Variants in STX3 observed in about 807,000 individuals in gnomAD.
STX3 encodes the protein syntaxin-3.
A neutral mutation model predicts 40.2 loss-of-function variants in STX3; 19 were observed. That is an observed-to-expected ratio of 0.47 (90% CI 0.33 to 0.69). STX3 has a LOEUF of 0.69. Ranked by LOEUF, STX3 falls within the 30% of genes least tolerant of loss-of-function variation. The probability of loss-of-function intolerance (pLI) is 0.02; values close to 1 mark genes in which losing one functional copy is unlikely to be tolerated. For synonymous variants in STX3, 122 were observed against 132.2 expected (o/e 0.92, Z 0.53); for missense variants, 364 against 366.7 (o/e 0.99, Z 0.06).
At chr11:59,767,694 A>G (rs1025978584) in intron 1 of STX3, among the ~76,000 whole-genome samples, 4 of 152,206 alleles carry the variant, frequency 2.6e-5, no homozygotes, top group Non-Finnish European at 5.9e-5. Context: ...TGGAAGTGGC[A>G]TGCTACAGTG....
At position 59,802,376 on chromosome 11, in the gene STX3, C is replaced by G. The variant is rs1865918782; in HGVS notation, c.*1552C>G. Reference sequence around the variant, plus strand: ...TATATTTTCCGCTTTGACTTTAACGCTTTCTAGGATAGGGTAAGCACCCTT... The same window carrying G: ...TATATTTTCCGCTTTGACTTTAACGGTTTCTAGGATAGGGTAAGCACCCTT... On this transcript the variant is annotated 3_prime_UTR_variant, in exon 11 of 11. Transcript: ENST00000337979. 2 of 985,572 alleles carry G rather than the reference C, an allele frequency of 2.0e-6. No individual in the cohort carries two copies. Among genetic ancestry groups the G allele is most frequent in the South Asian group, 9.4e-5 (2 of 21,290 alleles). The allele number at this position is 985,572 out of a possible 1,614,324, so 61.1% of individuals were successfully genotyped here.
At chr11:59,783,093 A>T (rs1864514997) in intron 2 of STX3, among the ~76,000 whole-genome samples, 1 of 152,188 alleles carries the variant, frequency 6.6e-6, no homozygotes, top group Admixed American at 6.5e-5. Context: ...AAACACTTTT[A>T]GATGTCAACA....
chr11:59,789,629 C>T (rs896224740), intron 4 of STX3, among the ~76,000 whole-genome samples: 4 of 152,130 alleles, frequency 2.6e-5, no homozygotes, highest in African/African-American at 4.8e-5. Context: ...TTAGTAGAGA[C>T]GAGGTTTCGC....
chr11:59,769,421 C>T (rs139126690), intron 1 of STX3, among the ~76,000 whole-genome samples: 93 of 152,190 alleles, frequency 6.1e-4, no homozygotes, highest in African/African-American at 1.6e-3. Context: ...CTCGTTCAGT[C>T]CTCATAAAGG....
chr11:59,788,877 C>T lies in STX3; in HGVS notation c.219C>T (p.Thr73=), dbSNP rs143769761. The change falls in exon 4 of 11, where the codon ACC becomes ACT. Residue 73 remains threonine, a synonymous_variant. Transcript: ENST00000337979. The part of the protein sequence containing the change: ...ILSAPIPEPK[T]KDDLEQLTTE... ...TGCCTGCCTTTATTTACCCAGAAACCAAGGATGACCTAGAGCAGCTCACGA... is the reference window on the plus strand; with the variant it reads ...TGCCTGCCTTTATTTACCCAGAAACTAAGGATGACCTAGAGCAGCTCACGA... 11 of 1,611,862 alleles carry T rather than the reference C, an allele frequency of 6.8e-6. No homozygotes were observed. In the Admixed American group the frequency reaches 1.0e-4, roughly 15 times the overall value.
intron 2 of STX3, among the ~76,000 whole-genome samples, chr11:59,780,133 A>G (rs508257): frequency 6.6e-6 from 1 of 152,058 alleles, no homozygotes; most frequent in African/African-American, 2.4e-5. Flanking sequence ...TCCCCTGCCA[A>G]TTGCTTTTGG....
chr11:59,773,318 T>A, intron 2 of STX3, 24 bp downstream of exon 2: 2 of 1,611,378 alleles, frequency 1.2e-6, no homozygotes, highest in Non-Finnish European at 1.7e-6. Context: ...CTGTATTTTT[T>A]TCTAAATGTA....
Position 59,805,234 on chromosome 11 carries a change from A to G in STX3, c.*4410A>G, listed in dbSNP as rs1238649957. The G allele has an allele frequency of 6.6e-6, 1 of 151,728 alleles. No homozygotes were observed. Among genetic ancestry groups the G allele is most frequent in the African/African-American group, 2.4e-5 (1 of 41,232 alleles). 9.4% of individuals were successfully genotyped at this position (151,728 alleles called of 1,614,324 possible). A position where few individuals can be genotyped will look rare whatever the true frequency, so the allele number is the denominator to read the frequency against. On this transcript the variant is annotated 3_prime_UTR_variant, in exon 11 of 11. Coordinates refer to ENST00000337979, the MANE Select transcript of STX3 (RefSeq NM_004177.5). Reference sequence around the variant, plus strand: ...TTCTTAATACTTAATACTGTCCCCAATTCCATTCAAGGTTCAGTTGTGTTC... The same window carrying G: ...TTCTTAATACTTAATACTGTCCCCAGTTCCATTCAAGGTTCAGTTGTGTTC...
rs1330447464 is a variant in STX3, at chr11:59,804,236, G to T, written c.*3412G>T. On this transcript the variant is annotated 3_prime_UTR_variant, in exon 11 of 11. Coordinates refer to ENST00000337979, the MANE Select transcript of STX3 (RefSeq NM_004177.5). ...GAGTTGGTCAAGTCAGGGCACTTCT[G>T]CTCTTCAGGCTCCTCTAGGTCACAC... The T allele has an allele frequency of 2.0e-5, 3 of 152,186 alleles. No homozygotes were observed. The highest frequency in any genetic ancestry group is 4.4e-5 in the Non-Finnish European group (3 of 68,062). The allele number at this position is 152,186 out of a possible 1,614,324, so 9.4% of individuals were successfully genotyped here. A position where few individuals can be genotyped will look rare whatever the true frequency, so the allele number is the denominator to read the frequency against.
chr11:59,769,263 T>TGGA (rs113337250), intron 1 of STX3, among the ~76,000 whole-genome samples: 26 of 151,576 alleles, frequency 1.7e-4, no homozygotes, highest in East Asian at 1.4e-3. Flanking sequence ...GAACTTCCTG[T>TGGA]GGAGGAGGAG....
At chr11:59,754,527 A>C (rs1256503498), upstream of STX3, 2 of 152,382 alleles carry the variant, frequency 1.3e-5, no homozygotes, top group Non-Finnish European at 2.9e-5. Context: ...CGGGGAGAAG[A>C]CTCGAGATAA....
chr11:59,800,039 T>C, intron 10 of STX3: 1 of 985,468 alleles, frequency 1.0e-6, no homozygotes, highest in Non-Finnish European at 1.2e-6. Flanking sequence ...AGAAGGTATA[T>C]GAATCATTTT....
intron 8 of STX3, 122 bp from the exon 9 acceptor site, chr11:59,795,250 C>A: frequency 2.7e-6 from 2 of 753,516 alleles, no homozygotes; most frequent in Non-Finnish European, 4.4e-6. Context: ...GAAGGCCATG[C>A]ATCAAGGTTT....
chr11:59,797,338 T>C lies in STX3; in HGVS notation c.842T>C (p.Ile281Thr). ...VVVLLGILAL[I>T]IGLSVGLN ...GTGTTGCTGGGCATTTTAGCATTGATTATTGGACTTTCCGTTGGGCTGAAT... is the reference window on the plus strand; with the variant it reads ...GTGTTGCTGGGCATTTTAGCATTGACTATTGGACTTTCCGTTGGGCTGAAT... The change falls in exon 10 of 11, where the codon ATT becomes ACT. Residue 281 changes from isoleucine to threonine, a missense_variant. Coordinates refer to ENST00000337979, the MANE Select transcript of STX3 (RefSeq NM_004177.5). The C allele has an allele frequency of 6.2e-7, 1 of 1,614,174 alleles. No homozygotes were observed. Among genetic ancestry groups the C allele is most frequent in the Non-Finnish European group, 8.5e-7 (1 of 1,180,024 alleles).
In STX3 at chr11:59,781,289, C is replaced by T. The variant is rs370601243; in HGVS notation, c.115-5748C>T. ...GCTTGGTCATTCTCTTAATTAACTC[C>T]TGTCCAAAGTGATGATGGAATTTTT... On this transcript the variant is annotated intron_variant, in intron 2 of 10. Coordinates refer to ENST00000337979, the MANE Select transcript of STX3 (RefSeq NM_004177.5). 2,102 of 1,551,852 alleles carry T rather than the reference C, an allele frequency of 1.4e-3. 15 individuals carry two copies. In the African/African-American group the frequency reaches 0.023, roughly 17 times the overall value.
At position 59,805,185 on chromosome 11, in the gene STX3, A is replaced by C. The variant is rs1265398349; in HGVS notation, c.*4361A>C. ...AGAGCTAAATTCCATCTAAAAAAAA[A>C]AAAAAAACAAAAAAAAAAAACTGTT... On this transcript the variant is annotated 3_prime_UTR_variant, in exon 11 of 11. Transcript: ENST00000337979. 9 of 141,462 alleles carry C rather than the reference A, an allele frequency of 6.4e-5. No homozygotes were observed. Among genetic ancestry groups the C allele is most frequent in the African/African-American group, 2.0e-4 (7 of 34,278 alleles). 8.8% of individuals were successfully genotyped at this position (141,462 alleles called of 1,614,324 possible).
At chr11:59,796,150 A>G (rs1865507565) in intron 9 of STX3, among the ~76,000 whole-genome samples, 1 of 152,150 alleles carries the variant, frequency 6.6e-6, no homozygotes. Flanking sequence ...ACATTATGTC[A>G]TATCTGATGG....
intron 5 of STX3, 130 bp downstream of exon 5, chr11:59,790,716 A>G (rs1382905757): frequency 1.9e-5 from 13 of 701,370 alleles, no homozygotes; most frequent in Non-Finnish European, 3.1e-5. Context: ...GTAAAGGAGA[A>G]CTCTCCAGGT....
In STX3 at chr11:59,803,102, C is replaced by T. The variant is rs986013086; in HGVS notation, c.*2278C>T. The T allele has an allele frequency of 3.5e-5, 43 of 1,228,548 alleles. No individual in the cohort carries two copies. Among genetic ancestry groups the T allele is most frequent in the Non-Finnish European group, 4.4e-5 (43 of 986,396 alleles). The allele number at this position is 1,228,548 out of a possible 1,614,324, so 76.1% of individuals were successfully genotyped here. The stretch of plus-strand genomic sequence containing the variant: ...AGCCAGATCCATCTCCTTTTTCCTT[C>T]TGTTGCTCTCTTCCTTCACACCCTC... On this transcript the variant is annotated 3_prime_UTR_variant, in exon 11 of 11. Coordinates refer to ENST00000337979, the MANE Select transcript of STX3 (RefSeq NM_004177.5).
Sources: gnomAD v4.1 joint callset for allele counts (sites outside exome capture counted in the v4.1 genomes callset) on GRCh38, gnomAD v4.1.1 for gene constraint, MANE v1.5 for transcripts, NCBI Gene and HGNC (gene_info 2026-07-23, HGNC 2026-07-21) for gene names.